CCER1: variants seen among roughly 807,000 people sequenced by gnomAD.
CCER1 encodes coiled-coil domain-containing glutamate-rich protein 1.
For missense variants in CCER1, 573 were observed against 524.5 expected (o/e 1.09, Z -0.90); for synonymous variants, 246 against 213.8 (o/e 1.15, Z -1.31).
At position 90,953,449 on chromosome 12, in the gene CCER1, G is replaced by GT. The variant is rs1428114701; in HGVS notation, c.*72dup. ...ATTAATGGAACTCACTTTTTAATCAGTTTTTAATAAATTGCTAATCCAGTT... is the reference window on the plus strand; with the variant it reads ...ATTAATGGAACTCACTTTTTAATCAGTTTTTTAATAAATTGCTAATCCAGTT... On this transcript the variant is annotated 3_prime_UTR_variant, in exon 1 of 1. Coordinates refer to ENST00000358859, the MANE Select transcript of CCER1 (RefSeq NM_152638.4). 2.2e-5 allele frequency: 33 copies of GT among 1,497,958 alleles called. No homozygotes were observed. The highest frequency in any genetic ancestry group is 2.8e-5 in the Non-Finnish European group (31 of 1,123,352). The allele number at this position is 1,497,958 out of a possible 1,614,324, so 92.8% of individuals were successfully genotyped here.
In CCER1 at chr12:90,954,190, C is replaced by A. The variant is rs1294658933; in HGVS notation, c.553G>T (p.Ala185Ser). The change falls in exon 1 of 1, where the codon GCG becomes TCG. Residue 185 changes from alanine (A) to serine (S), a missense_variant. Coordinates refer to ENST00000358859, the MANE Select transcript of CCER1 (RefSeq NM_152638.4). ...ATGAATTGGGTGGTGTTGGGCGGCGCTCGCATGCCAGGCTCTCTCCACTCA... is the reference window on the plus strand; with the variant it reads ...ATGAATTGGGTGGTGTTGGGCGGCGATCGCATGCCAGGCTCTCTCCACTCA... ...LYEWREPGMR[A>S]PPNTTQFIMN... The A allele has an allele frequency of 6.2e-7, 1 of 1,609,646 alleles. No homozygotes were observed. The highest frequency in any genetic ancestry group is 8.5e-7 in the Non-Finnish European group (1 of 1,179,938).
At position 90,954,507 on chromosome 12, in the gene CCER1, G is replaced by A; in HGVS notation, c.236C>T (p.Pro79Leu). 6.2e-7 allele frequency: 1 copy of A among 1,611,428 alleles called. No individual in the cohort carries two copies. Among genetic ancestry groups the A allele is most frequent in the Non-Finnish European group, 8.5e-7 (1 of 1,177,976 alleles). Residue 79 changes from proline to leucine, a missense_variant, in exon 1 of 1, where the codon CCA becomes CTA. Coordinates refer to ENST00000358859, the MANE Select transcript of CCER1 (RefSeq NM_152638.4). ...GCACCCCCAGTTAGAGCACACGGGTGGTTGGAACCAAAAGCCCGGGCCGTG... is the reference window on the plus strand; with the variant it reads ...GCACCCCCAGTTAGAGCACACGGGTAGTTGGAACCAAAAGCCCGGGCCGTG... ...QQHGPGFWFQ[P>L]PVCSNWGCWG...
chr12:90,952,645 T>C lies in CCER1; in HGVS notation c.*877A>G, dbSNP rs61926457. 4,033 of 151,492 alleles carry C rather than the reference T, an allele frequency of 0.027. 82 individuals carry two copies. The highest frequency in any genetic ancestry group is 0.052 in the Middle Eastern group (15 of 288). 9.4% of individuals were successfully genotyped at this position (151,492 alleles called of 1,614,324 possible). A position where few individuals can be genotyped will look rare whatever the true frequency, so the allele number is the denominator to read the frequency against. ...AATAAGATATTCCACCCCCAAAAGGTAGATAATCTTTTTATCTAAAAAAAA... is the reference window on the plus strand; with the variant it reads ...AATAAGATATTCCACCCCCAAAAGGCAGATAATCTTTTTATCTAAAAAAAA... On this transcript the variant is annotated 3_prime_UTR_variant, in exon 1 of 1. Transcript: ENST00000358859.
Position 90,954,887 on chromosome 12 carries a change from C to T in CCER1, c.-145G>A. Reference sequence around the variant, plus strand: ...TGTCTACCCCTGGGATCACGTTTTCCTCTCCAGGAGGCTGCTCTCTTCCTG... The same window carrying T: ...TGTCTACCCCTGGGATCACGTTTTCTTCTCCAGGAGGCTGCTCTCTTCCTG... On this transcript the variant is annotated 5_prime_UTR_variant, in exon 1 of 1. Transcript: ENST00000358859. 3 of 1,427,182 alleles carry T rather than the reference C, an allele frequency of 2.1e-6. No individual in the cohort carries two copies. Among genetic ancestry groups the T allele is most frequent in the South Asian group, 1.5e-5 (1 of 66,828 alleles). The allele number at this position is 1,427,182 out of a possible 1,614,324, so 88.4% of individuals were successfully genotyped here. A position where few individuals can be genotyped will look rare whatever the true frequency, so the allele number is the denominator to read the frequency against.
chr12:90,954,654 G>A lies in CCER1; in HGVS notation c.89C>T (p.Ala30Val), dbSNP rs770995521. The change falls in exon 1 of 1, where the codon GCC becomes GTC. Residue 30 changes from alanine to valine, a missense_variant. Physicochemically the swap from Ala to Val is moderately conservative, Grantham distance 64. Coordinates refer to ENST00000358859, the MANE Select transcript of CCER1 (RefSeq NM_152638.4). ...GGCGCGWAHS[A>V]SLSSWSSCHR... ...GCAGGACGACCAGGAGCTCAAGGAG[G>A]CCGAGTGTGCCCAGCCACAGCCACA... 1 of 1,601,372 alleles carries A rather than the reference G, an allele frequency of 6.2e-7. No homozygotes were observed. The highest frequency in any genetic ancestry group is 1.1e-5 in the South Asian group (1 of 89,884).
Position 90,955,043 on chromosome 12 carries a change from A to C in CCER1, c.-301T>G. 2 of 477,070 alleles carry C rather than the reference A, an allele frequency of 4.2e-6. No homozygotes were observed. The highest frequency in any genetic ancestry group is 7.6e-6 in the Non-Finnish European group (2 of 261,912). The allele number at this position is 477,070 out of a possible 1,614,324, so 29.6% of individuals were successfully genotyped here. The stretch of plus-strand genomic sequence containing the variant: ...GTGTTGGCAGGCGACACGCAGTGAG[A>C]CCCACTCCCGGGTCCCCACCACACC... On this transcript the variant is annotated 5_prime_UTR_variant, in exon 1 of 1. Coordinates refer to ENST00000358859, the MANE Select transcript of CCER1 (RefSeq NM_152638.4).
At position 90,954,086 on chromosome 12, in the gene CCER1, G is replaced by T. The variant is rs1484458822; in HGVS notation, c.657C>A (p.Ala219=). ...RQQEALRAQK[A]TVSGEASPAR... ...CTGGGGAGGCCTCGCCGCTCACCGT[G>T]GCCTTCTGCGCCCGCAGCGCCTCCT... Residue 219 remains alanine, a synonymous_variant, in exon 1 of 1, where the codon GCC becomes GCA. Coordinates refer to ENST00000358859, the MANE Select transcript of CCER1 (RefSeq NM_152638.4). The T allele has an allele frequency of 6.2e-7, 1 of 1,613,506 alleles. No individual in the cohort carries two copies. The highest frequency in any genetic ancestry group is 8.5e-7 in the Non-Finnish European group (1 of 1,180,004).
chr12:90,954,659 G>C lies in CCER1; in HGVS notation c.84C>G (p.His28Gln), dbSNP rs1284345193. The C allele has an allele frequency of 6.3e-7, 1 of 1,598,992 alleles. No homozygotes were observed. The highest frequency in any genetic ancestry group is 2.3e-5 in the East Asian group (1 of 43,690). The part of the protein sequence containing the change: ...GGGGCGCGWA[H>Q]SASLSSWSSC... ...ACGACCAGGAGCTCAAGGAGGCCGA[G>C]TGTGCCCAGCCACAGCCACAGCCGC... The change falls in exon 1 of 1, where the codon CAC becomes CAG. Residue 28 changes from histidine (H) to glutamine (Q), a missense_variant. His to Gln is a conservative substitution (Grantham distance 24). Transcript: ENST00000358859.
Position 90,954,505 on chromosome 12 carries a change from G to C in CCER1, c.238C>G (p.Pro80Ala). The C allele has an allele frequency of 1.2e-6, 2 of 1,611,464 alleles. No homozygotes were observed. The highest frequency in any genetic ancestry group is 8.5e-7 in the Non-Finnish European group (1 of 1,177,994). Residue 80 changes from proline (P) to alanine (A), a missense_variant, in exon 1 of 1, where the codon CCC becomes GCC. Transcript: ENST00000358859. ...CAGCACCCCCAGTTAGAGCACACGG[G>C]TGGTTGGAACCAAAAGCCCGGGCCG... Reference protein sequence around the residue: ...QHGPGFWFQPPVCSNWGCWGG... With the variant: ...QHGPGFWFQPAVCSNWGCWGG...
In CCER1 at chr12:90,954,513, A is replaced by C; in HGVS notation, c.230T>G (p.Phe77Cys). 1 of 1,611,402 alleles carries C rather than the reference A, an allele frequency of 6.2e-7. No individual in the cohort carries two copies. The highest frequency in any genetic ancestry group is 8.5e-7 in the Non-Finnish European group (1 of 1,177,942). ...CCAGTTAGAGCACACGGGTGGTTGG[A>C]ACCAAAAGCCCGGGCCGTGCTGTTG... ...PKQQHGPGFW[F>C]QPPVCSNWGC... is the part of the protein sequence containing the mutation. The change falls in exon 1 of 1, where the codon TTC becomes TGC. Residue 77 changes from phenylalanine to cysteine, a missense_variant. Transcript: ENST00000358859.
rs1565866794 is a variant in CCER1 at position 90,954,596 on chromosome 12, AT to A, written c.146del (p.Asn49IlefsTer86). On this transcript the variant is annotated frameshift_variant, in exon 1 of 1. Coordinates refer to ENST00000358859, the MANE Select transcript of CCER1 (RefSeq NM_152638.4). LOFTEE classifies it low-confidence loss of function (END_TRUNC). ...TCTTGGGGCTATATCGGTGCGGTCT[AT>A]TGTACGCTGGAGCACCCGGGCGCCT... is the stretch of plus-strand genomic sequence containing the variant. Reference protein sequence around the residue: ...HRRRPGAPAYNRPHRYSPKTE... With the variant: ...HRRRPGAPAYXRPHRYSPKTE... 1 of 1,613,804 alleles carries A rather than the reference AT, an allele frequency of 6.2e-7. No individual in the cohort carries two copies.
rs1876497602 is a variant in CCER1, at chr12:90,952,395, C to T, written c.*1127G>A. 1 of 152,360 alleles carries T rather than the reference C, an allele frequency of 6.6e-6. No individual in the cohort carries two copies. The highest frequency in any genetic ancestry group is 1.5e-5 in the Non-Finnish European group (1 of 68,038). 9.4% of individuals were successfully genotyped at this position (152,360 alleles called of 1,614,324 possible). Reference sequence around the variant, plus strand: ...TCTGAGAAGGCATGTTTAAATTCATCATCTAGGGATATTCTGGAAATATGC... The same window carrying T: ...TCTGAGAAGGCATGTTTAAATTCATTATCTAGGGATATTCTGGAAATATGC... On this transcript the variant is annotated 3_prime_UTR_variant, in exon 1 of 1. Coordinates refer to ENST00000358859, the MANE Select transcript of CCER1 (RefSeq NM_152638.4).
In CCER1 at chr12:90,954,710, A is replaced by T; in HGVS notation, c.33T>A (p.Pro11=). Residue 11 remains proline (P), a synonymous_variant, in exon 1 of 1, where the codon CCT becomes CCA. Transcript: ENST00000358859. ...CGCCGCCACCGCCGCCCAGGTTCAG[A>T]GGGTCTTCCCTTGTGTCGAGGGTCT... MTQTLDTRED[P]LNLGGGGGGG... 1 of 1,561,010 alleles carries T rather than the reference A, an allele frequency of 6.4e-7. No individual in the cohort carries two copies. The highest frequency in any genetic ancestry group is 8.7e-7 in the Non-Finnish European group (1 of 1,153,354).
Position 90,954,232 on chromosome 12 carries a change from G to A in CCER1, c.511C>T (p.Arg171Trp). 1 of 1,606,578 alleles carries A rather than the reference G, an allele frequency of 6.2e-7. No individual in the cohort carries two copies. The highest frequency in any genetic ancestry group is 2.2e-5 in the East Asian group (1 of 44,856). Residue 171 changes from arginine to tryptophan, a missense_variant, in exon 1 of 1, where the codon CGG becomes TGG. Transcript: ENST00000358859. Reference sequence around the variant, plus strand: ...CTCCACTCATACAGCTTGACCGGCCGCGGCAGCGTGCTCACATCCGCTGGC... The same window carrying A: ...CTCCACTCATACAGCTTGACCGGCCACGGCAGCGTGCTCACATCCGCTGGC... ...SPPADVSTLP[R>W]PVKLYEWREP...
In CCER1 at chr12:90,953,573, A is replaced by T. The variant is rs769990759; in HGVS notation, c.1170T>A (p.Ile390=). The change falls in exon 1 of 1, where the codon ATT becomes ATA. Residue 390 remains isoleucine, a synonymous_variant. Transcript: ENST00000358859. ...SCTFLNPEQI[I]PKVPQESLFM... The stretch of plus-strand genomic sequence containing the variant: ...ACAGGGATTCCTGTGGCACTTTGGG[A>T]ATTATCTGCTCTGGGTTTAAAAAAG... 6.2e-7 allele frequency: 1 copy of T among 1,614,096 alleles called. No individual in the cohort carries two copies. The highest frequency in any genetic ancestry group is 8.5e-7 in the Non-Finnish European group (1 of 1,180,002).
rs1876579110 is a variant in CCER1, at chr12:90,954,347, G to C, written c.396C>G (p.Gly132=). 1.9e-6 allele frequency: 3 copies of C among 1,608,788 alleles called. No individual in the cohort carries two copies. Among genetic ancestry groups the C allele is most frequent in the Non-Finnish European group, 2.5e-6 (3 of 1,179,684 alleles). ...TCTTCCTGCCTGGGGGCTTCACCCA[G>C]CCAGGGTTCCAGGACCCGCTCCAGC... ...CSCWSGSWNP[G]WVKPPGRKKR... is the part of the protein sequence containing the mutation. The change falls in exon 1 of 1, where the codon GGC becomes GGG. Residue 132 remains glycine, a synonymous_variant. Transcript: ENST00000358859.
At position 90,953,489 on chromosome 12, in the gene CCER1, T is replaced by A; in HGVS notation, c.*33A>T. The A allele has an allele frequency of 6.4e-7, 1 of 1,574,262 alleles. No homozygotes were observed. Among genetic ancestry groups the A allele is most frequent in the Non-Finnish European group, 8.6e-7 (1 of 1,163,796 alleles). ...CTAATCCAGTTTAGCCTCAAATCAG[T>A]TCCATCCCTTTTCTCAATCCCTTTT... On this transcript the variant is annotated 3_prime_UTR_variant, in exon 1 of 1. Transcript: ENST00000358859.
At position 90,954,928 on chromosome 12, in the gene CCER1, G is replaced by C; in HGVS notation, c.-186C>G. The C allele has an allele frequency of 8.5e-7, 1 of 1,178,470 alleles. No homozygotes were observed. Among genetic ancestry groups the C allele is most frequent in the Non-Finnish European group, 1.2e-6 (1 of 854,180 alleles). 73.0% of individuals were successfully genotyped at this position (1,178,470 alleles called of 1,614,324 possible). ...TCTCTTCCTGGTTTGCACGCTCTTC[G>C]GTAGTAATCGCTTGTCCTTCGCACC... On this transcript the variant is annotated 5_prime_UTR_variant, in exon 1 of 1. Coordinates refer to ENST00000358859, the MANE Select transcript of CCER1 (RefSeq NM_152638.4).
rs1450609304 is a variant in CCER1 at position 90,954,833 on chromosome 12, G to A, written c.-91C>T. ...AGGACGGTCAGAAGAGCCTCGTCTC[G>A]TCAACCTGTCTCTCCACGCAGCGCC... On this transcript the variant is annotated 5_prime_UTR_variant, in exon 1 of 1. It adds an upstream start codon to the 5' untranslated region. Transcript: ENST00000358859. 6.8e-7 allele frequency: 1 copy of A among 1,469,148 alleles called. No individual in the cohort carries two copies. Among genetic ancestry groups the A allele is most frequent in the Non-Finnish European group, 9.0e-7 (1 of 1,106,536 alleles). The allele number at this position is 1,469,148 out of a possible 1,614,324, so 91.0% of individuals were successfully genotyped here.
Sources: gnomAD v4.1 joint callset for allele counts on GRCh38, gnomAD v4.1.1 for gene constraint, MANE v1.5 for transcripts, NCBI Gene and HGNC (gene_info 2026-07-23, HGNC 2026-07-21) for gene names.